The following GCGR variants were observed in gnomAD, a reference collection of about 807,000 sequenced individuals.
GCGR encodes the protein glucagon receptor.
In GCGR, 41 loss-of-function variants were observed where a neutral mutation model predicts 56.1. The ratio of observed to expected loss-of-function variants is 0.73; its 90% CI spans 0.57 to 0.95. The LOEUF is 0.95. Ranked by LOEUF, GCGR falls within the 40% of genes least tolerant of loss-of-function variation. The probability of loss-of-function intolerance (pLI) is 0.00; values close to 1 mark genes in which losing one functional copy is unlikely to be tolerated. For missense variants in GCGR, 595 were observed against 638.2 expected (o/e 0.93, Z 0.73); for synonymous variants, 278 against 271.1 (o/e 1.03, Z -0.25).
chr17:81,808,516 CTTTT>C (rs998083389), intron 1 of GCGR, among the ~76,000 whole-genome samples: 2 of 134,798 alleles, frequency 1.5e-5, no homozygotes, highest in Non-Finnish European at 3.2e-5. Flanking sequence ...CTATCGCCCT[CTTTT>C]TTTTTTTTTT....
chr17:81,812,268 G>T lies in GCGR; in HGVS notation c.948+16G>T, dbSNP rs1293246921. 4.6e-6 allele frequency: 7 copies of T among 1,534,890 alleles called. No homozygotes were observed. The African/African-American group carries it at 6.9e-5, about 15-fold the overall frequency. Reference sequence around the variant, plus strand: ...GGCCATCCTGGTGAGGAAATGAAGAGCCAGGAGCGCACCCCAGGCCCCTCC... The same window carrying T: ...GGCCATCCTGGTGAGGAAATGAAGATCCAGGAGCGCACCCCAGGCCCCTCC... On this transcript the variant is annotated intron_variant, in intron 10 of 13. Coordinates refer to ENST00000400723, the MANE Select transcript of GCGR (RefSeq NM_000160.5). The surrounding 1 kb of genome is among the most constrained non-coding windows in gnomAD (Gnocchi z 8.5).
intron 1 of GCGR, among the ~76,000 whole-genome samples, chr17:81,807,719 G>T (rs920768573): frequency 1.3e-5 from 2 of 152,222 alleles, no homozygotes; most frequent in Admixed American, 6.5e-5. Flanking sequence ...CCAGCCACTC[G>T]CGGGACCCCG....
rs1357168725 is a variant in GCGR at position 81,813,501 on chromosome 17, C to T, written c.1246C>T (p.His416Tyr). 1 of 1,535,510 alleles carries T rather than the reference C, an allele frequency of 6.5e-7. No individual in the cohort carries two copies. Among genetic ancestry groups the T allele is most frequent in the East Asian group, 2.4e-5 (1 of 40,906 alleles). The change falls in exon 14 of 14, where the codon CAC becomes TAC. Residue 416 changes from histidine to tyrosine, a missense_variant. Physicochemically the swap from His to Tyr is moderately conservative, Grantham distance 83 (BLOSUM62 2). Transcript: ENST00000400723. This position sits in a 1 kb window ranked among gnomAD's most constrained non-coding sequence, Gnocchi z 5.3. ...EVQSELRRRW[H>Y]RWRLGKVLWE... ...GCAGTCGGAGCTGCGGCGGCGTTGG[C>T]ACCGCTGGCGCCTGGGCAAAGTGCT...
At position 81,813,386 on chromosome 17, in the gene GCGR, G is replaced by A. The variant is rs2038144054; in HGVS notation, c.1219-88G>A. ...CTGCACCCCTCAGAGCGGAGACTGG[G>A]CATCTCCGATGAGGCCCACAGCAGG... On this transcript the variant is annotated intron_variant, in intron 13 of 13. Coordinates refer to ENST00000400723, the MANE Select transcript of GCGR (RefSeq NM_000160.5). This position sits in a 1 kb window ranked among gnomAD's most constrained non-coding sequence, Gnocchi z 5.3. The A allele has an allele frequency of 1.6e-6, 2 of 1,239,216 alleles. No individual in the cohort carries two copies. Among genetic ancestry groups the A allele is most frequent in the South Asian group, 1.4e-5 (1 of 73,224 alleles). 76.8% of individuals were successfully genotyped at this position (1,239,216 alleles called of 1,614,324 possible).
Position 81,809,805 on chromosome 17 carries a change from G to A in GCGR, c.84G>A (p.Val28=). 8 of 1,536,700 alleles carry A rather than the reference G, an allele frequency of 5.2e-6. No individual in the cohort carries two copies. Among genetic ancestry groups the A allele is most frequent in the Non-Finnish European group, 7.0e-6 (8 of 1,146,856 alleles). Residue 28 remains valine (V), a synonymous_variant, in exon 3 of 14, where the codon GTG becomes GTA. Coordinates refer to ENST00000400723, the MANE Select transcript of GCGR (RefSeq NM_000160.5). ...AGCCACAGGTCCCCTCCGCTCAGGT[G>A]ATGGACTTCCTGTTTGAGAAGTGGA... ...ACQPQVPSAQ[V]MDFLFEKWKL... is the part of the protein sequence containing the mutation.
chr17:81,811,338 C>T lies in GCGR; in HGVS notation c.500+10C>T, dbSNP rs898363513. On this transcript the variant is annotated intron_variant, in intron 6 of 13. Transcript: ENST00000400723. The surrounding 1 kb of genome is among the most constrained non-coding windows in gnomAD (Gnocchi z 5.8). ...TCCTGGGGGGCCTCAGGTAGGATTC[C>T]GCCAGCGCCCGGGGCGGCCGCAGAG... 4.0e-5 allele frequency: 61 copies of T among 1,534,496 alleles called. No individual in the cohort carries two copies. The highest frequency in any genetic ancestry group is 1.8e-4 in the Admixed American group (9 of 50,950).
In GCGR at chr17:81,810,804, C is replaced by T. The variant is rs1183167941; in HGVS notation, c.164-21C>T. On this transcript the variant is annotated intron_variant, in intron 3 of 13. Transcript: ENST00000400723. The surrounding 1 kb of genome is among the most constrained non-coding windows in gnomAD (Gnocchi z 4.6). Reference sequence around the variant, plus strand: ...CCACCCTGCCCTGCCCTGCTCTGCCCTGCCCTACCCTACCCTGCAGAGCTG... The same window carrying T: ...CCACCCTGCCCTGCCCTGCTCTGCCTTGCCCTACCCTACCCTGCAGAGCTG... 6.5e-7 allele frequency: 1 copy of T among 1,535,776 alleles called. No individual in the cohort carries two copies. Among genetic ancestry groups the T allele is most frequent in the Non-Finnish European group, 8.7e-7 (1 of 1,145,900 alleles).
rs1252650058 is a variant in GCGR at position 81,813,075 on chromosome 17, C to T, written c.1218+18C>T. 4 of 1,535,484 alleles carry T rather than the reference C, an allele frequency of 2.6e-6. No homozygotes were observed. The highest frequency in any genetic ancestry group is 1.4e-5 in the African/African-American group (1 of 72,980). ...ACAAGGAGGTAGGTGGGAGTGGGGG[C>T]ATCTGAGACCATCAGCACTGGCCGT... On this transcript the variant is annotated intron_variant, in intron 13 of 13. Coordinates refer to ENST00000400723, the MANE Select transcript of GCGR (RefSeq NM_000160.5). The surrounding 1 kb of genome is among the most constrained non-coding windows in gnomAD (Gnocchi z 5.3).
Position 81,810,107 on chromosome 17 carries a change from C to T in GCGR, c.163+223C>T, listed in dbSNP as rs961843348. 4.6e-5 allele frequency: 28 copies of T among 611,614 alleles called. No individual in the cohort carries two copies. Among genetic ancestry groups the T allele is most frequent in the Admixed American group, 2.2e-4 (9 of 41,618 alleles). 37.9% of individuals were successfully genotyped at this position (611,614 alleles called of 1,614,324 possible). On this transcript the variant is annotated intron_variant, in intron 3 of 13. Coordinates refer to ENST00000400723, the MANE Select transcript of GCGR (RefSeq NM_000160.5). The surrounding 1 kb of genome is among the most constrained non-coding windows in gnomAD (Gnocchi z 4.6). ...GCCGCAGAGCCAGGAAATAACAGAA[C>T]GGTGGCATTGCCCCAGAACCGGCTG...
Position 81,813,646 on chromosome 17 carries a change from C to G in GCGR, c.1391C>G (p.Pro464Arg). ...GGSQDSSAET[P>R]LAGGLPRLAE... ...AGCCAGGATTCATCTGCGGAGACCC[C>G]CTTGGCTGGTGGCCTCCCTAGATTG... The change falls in exon 14 of 14, where the codon CCC becomes CGC. Residue 464 changes from proline (P) to arginine (R), a missense_variant. By Grantham distance (103) the Pro-to-Arg change is moderately radical. Coordinates refer to ENST00000400723, the MANE Select transcript of GCGR (RefSeq NM_000160.5). This position sits in a 1 kb window ranked among gnomAD's most constrained non-coding sequence, Gnocchi z 5.3. The G allele has an allele frequency of 6.5e-7, 1 of 1,536,178 alleles. No individual in the cohort carries two copies. The highest frequency in any genetic ancestry group is 8.7e-7 in the Non-Finnish European group (1 of 1,146,810).
At position 81,813,553 on chromosome 17, in the gene GCGR, A is replaced by G. The variant is rs1377024369; in HGVS notation, c.1298A>G (p.His433Arg). ...TGGGAGGAGCGGAACACCAGCAACC[A>G]CAGGGCCTCATCTTCGCCCGGCCAC... ...VLWEERNTSN[H>R]RASSSPGHGP... is the part of the protein sequence containing the mutation. Residue 433 changes from histidine (H) to arginine (R), a missense_variant, in exon 14 of 14, where the codon CAC (histidine) becomes CGC (arginine). By Grantham distance (29) the His-to-Arg change is conservative. Coordinates refer to ENST00000400723, the MANE Select transcript of GCGR (RefSeq NM_000160.5). The surrounding 1 kb of genome is among the most constrained non-coding windows in gnomAD (Gnocchi z 5.3). The G allele has an allele frequency of 1.3e-6, 2 of 1,536,338 alleles. No individual in the cohort carries two copies. Among genetic ancestry groups the G allele is most frequent in the Non-Finnish European group, 1.7e-6 (2 of 1,146,806 alleles).
rs548905669 is a variant in GCGR at position 81,811,906 on chromosome 17, G to A, written c.838G>A (p.Val280Ile). The change falls in exon 9 of 14, where the codon GTC (valine) becomes ATC (isoleucine). Residue 280 changes from valine (V) to isoleucine (I), a missense_variant. Transcript: ENST00000400723. The surrounding 1 kb of genome is among the most constrained non-coding windows in gnomAD (Gnocchi z 5.8). ...IGWGAPMLFV[V>I]PWAVVKCLFE... ...CACAGGTGCCCCCATGCTGTTCGTCGTCCCCTGGGCAGTGGTCAAGTGTCT... is the reference window on the plus strand; with the variant it reads ...CACAGGTGCCCCCATGCTGTTCGTCATCCCCTGGGCAGTGGTCAAGTGTCT... The A allele has an allele frequency of 8.9e-5, 137 of 1,537,120 alleles. 1 individual carries two copies. Among genetic ancestry groups the A allele is most frequent in the African/African-American group, 6.2e-4 (45 of 73,138 alleles).
At position 81,812,078 on chromosome 17, in the gene GCGR, C is replaced by G; in HGVS notation, c.879-105C>G. 3 of 1,509,326 alleles carry G rather than the reference C, an allele frequency of 2.0e-6. No individual in the cohort carries two copies. The South Asian group carries it at 3.6e-5, about 18-fold the overall frequency. The allele number at this position is 1,509,326 out of a possible 1,614,324, so 93.5% of individuals were successfully genotyped here. A position where few individuals can be genotyped will look rare whatever the true frequency, so the allele number is the denominator to read the frequency against. On this transcript the variant is annotated intron_variant, in intron 9 of 13. Coordinates refer to ENST00000400723, the MANE Select transcript of GCGR (RefSeq NM_000160.5). This position sits in a 1 kb window ranked among gnomAD's most constrained non-coding sequence, Gnocchi z 8.5. ...GGGTCATTTGTGACCTTCTCCCTTC[C>G]TTTTCTGAGACCCGAATTAGATCCT...
intron 1 of GCGR, among the ~76,000 whole-genome samples, chr17:81,807,173 C>T (rs1477272431): frequency 1.3e-5 from 2 of 152,238 alleles, no homozygotes; most frequent in African/African-American, 4.8e-5. Context: ...TCCTCCCCCA[C>T]CCGCCTGCCG....
chr17:81,805,841 G>A (rs1568247475), intron 1 of GCGR, among the ~76,000 whole-genome samples: 3 of 152,240 alleles, frequency 2.0e-5, no homozygotes, highest in South Asian at 4.1e-4. Context: ...AGGGTAATAC[G>A]GAGCACTGTG....
Position 81,811,286 on chromosome 17 carries a change from TG to T in GCGR, c.463del (p.Ala155ProfsTer32). On this transcript the variant is annotated frameshift_variant, in exon 6 of 14. Transcript: ENST00000400723. LOFTEE classifies it high-confidence loss of function. The surrounding 1 kb of genome is among the most constrained non-coding windows in gnomAD (Gnocchi z 5.8). ...VMYTVGYSLS[L>X]GALLLALAIL... is the part of the protein sequence containing the mutation. Reference sequence around the variant, plus strand: ...TACACAGTGGGCTACAGCCTGTCCCTGGGGGCCCTGCTCCTCGCCTTGGCCA... The same window carrying T: ...TACACAGTGGGCTACAGCCTGTCCCTGGGGCCCTGCTCCTCGCCTTGGCCA... 2.6e-6 allele frequency: 4 copies of T among 1,535,944 alleles called. No homozygotes were observed. Among genetic ancestry groups the T allele is most frequent in the Non-Finnish European group, 3.5e-6 (4 of 1,146,566 alleles).
intron 2 of GCGR, 116 bp from the exon 3 acceptor site, chr17:81,809,666 C>A: frequency 2.7e-6 from 2 of 730,524 alleles, no homozygotes; most frequent in Non-Finnish European, 2.3e-6. Flanking sequence ...TGTCTGTCTG[C>A]CTGTCTGTCC....
Position 81,810,999 on chromosome 17 carries a change from C to G in GCGR, c.272-11C>G, listed in dbSNP as rs1568252085. ...GGTGGGGCTGACCCCAGCCTCCCCC[C>G]ACACCCCCAGTGCAACACCGCTTCG... On this transcript the variant is annotated splice_polypyrimidine_tract_variant and intron_variant, in intron 4 of 13. Transcript: ENST00000400723. This position sits in a 1 kb window ranked among gnomAD's most constrained non-coding sequence, Gnocchi z 4.6. The G allele has an allele frequency of 3.9e-6, 6 of 1,535,854 alleles. No individual in the cohort carries two copies. Among genetic ancestry groups the G allele is most frequent in the South Asian group, 2.4e-5 (2 of 84,048 alleles).
rs2038138999 is a variant in GCGR, at chr17:81,813,138, C to T, written c.1218+81C>T. 1.4e-5 allele frequency: 21 copies of T among 1,524,218 alleles called. No individual in the cohort carries two copies. The highest frequency in any genetic ancestry group is 1.8e-5 in the Non-Finnish European group (21 of 1,137,898). 94.4% of individuals were successfully genotyped at this position (1,524,218 alleles called of 1,614,324 possible). ...CAGAGAGAGGCACAGGGATGCCAGC[C>T]CCACCCCTGCCCGGGGGTTGGAACA... On this transcript the variant is annotated intron_variant, in intron 13 of 13. Transcript: ENST00000400723. This position sits in a 1 kb window ranked among gnomAD's most constrained non-coding sequence, Gnocchi z 5.3.
Sources: allele counts gnomAD v4.1 joint callset (sites outside exome capture counted in the v4.1 genomes callset), GRCh38; gene constraint gnomAD v4.1.1; non-coding constraint Gnocchi (gnomAD v3.1); transcripts MANE v1.5; gene names NCBI Gene and HGNC (gene_info 2026-07-23, HGNC 2026-07-21).